HOMER1: variants seen among roughly 807,000 people sequenced by gnomAD.
HOMER1 encodes the protein homer protein homolog 1.
In HOMER1, 3 loss-of-function variants were observed where a neutral mutation model predicts 48.9. The ratio of observed to expected loss-of-function variants is 0.06; its 90% confidence interval spans 0.03 to 0.16. HOMER1 has a LOEUF of 0.16. Ranked by LOEUF, HOMER1 falls within the 10% of genes least tolerant of loss-of-function variation. HOMER1 has a pLI of 1.00. For missense variants in HOMER1, 247 were observed against 411.4 expected, an observed-to-expected ratio of 0.60 and a Z score of 3.46; for synonymous variants, 134 against 146.4, an observed-to-expected ratio of 0.92 and a Z score of 0.61.
intron 5 of HOMER1, among the ~76,000 whole-genome samples, chr5:79,428,847 T>C (rs532288190): frequency 6.6e-6 from 1 of 152,258 alleles, no homozygotes; most frequent in Non-Finnish European, 1.5e-5. Context: ...GAGGAACATT[T>C]TGGCCGTGAG....
intron 5 of HOMER1, among the ~76,000 whole-genome samples, chr5:79,431,265 G>C (rs1391732780): frequency 6.6e-6 from 1 of 152,196 alleles, no homozygotes; most frequent in Non-Finnish European, 1.5e-5. Flanking sequence ...GGAGGTTGCA[G>C]TGAGCCAAGA....
chr5:79,428,502 C>CT (rs1199555533), intron 5 of HOMER1, among the ~76,000 whole-genome samples: 1 of 151,930 alleles, frequency 6.6e-6, no homozygotes, highest in East Asian at 1.9e-4. Context: ...AGTAAACTAT[C>CT]TTTATTTACA....
chr5:79,410,489 CAAA>C (rs59290866), intron 5 of HOMER1, among the ~76,000 whole-genome samples: 9 of 105,142 alleles, frequency 8.6e-5, no homozygotes, highest in Admixed American at 1.9e-4. Context: ...AACTCTATCT[CAAA>C]AAAAAAAAAA....
intron 6 of HOMER1, among the ~76,000 whole-genome samples, chr5:79,400,933 G>GT: frequency 8.7e-6 from 1 of 115,552 alleles, no homozygotes; most frequent in Non-Finnish European, 1.7e-5. Flanking sequence ...AAAGAAAAAA[G>GT]ATTTTTTTTT....
At chr5:79,432,485 A>C (rs1221028794) in intron 5 of HOMER1, among the ~76,000 whole-genome samples, 2 of 152,244 alleles carry the variant, frequency 1.3e-5, no homozygotes, top group Admixed American at 1.3e-4. Flanking sequence ...GAGAAGAGGA[A>C]GGGTCTAATC....
intron 2 of HOMER1, 86 bp downstream of exon 2, chr5:79,456,776 T>C: frequency 8.8e-7 from 1 of 1,136,380 alleles, no homozygotes; most frequent in Non-Finnish European, 1.3e-6. Flanking sequence ...TTTATATTAA[T>C]GAAGATAAAA....
intron 1 of HOMER1, among the ~76,000 whole-genome samples, chr5:79,501,852 AAT>A (rs1332250999): frequency 6.6e-6 from 1 of 152,146 alleles, no homozygotes; most frequent in Non-Finnish European, 1.5e-5. Context: ...CTAATACTCT[AAT>A]AACTGACAAG....
intron 5 of HOMER1, among the ~76,000 whole-genome samples, chr5:79,426,482 C>A (rs1750258837): frequency 6.6e-6 from 1 of 151,856 alleles, no homozygotes; most frequent in Non-Finnish European, 1.5e-5. Flanking sequence ...TGAATGAGAT[C>A]CTGTCATTTG....
At chr5:79,395,449 A>T (rs1749355935) in intron 8 of HOMER1, among the ~76,000 whole-genome samples, 1 of 152,194 alleles carries the variant, frequency 6.6e-6, no homozygotes, top group Admixed American at 6.5e-5. Context: ...GTTTGCACAC[A>T]TTGCTAAATG....
chr5:79,512,315 G>T (rs1258048587), intron 1 of HOMER1, among the ~76,000 whole-genome samples: 2 of 152,180 alleles, frequency 1.3e-5, no homozygotes, highest in African/African-American at 4.8e-5. Flanking sequence ...CACGGTGAGG[G>T]CAACAATTTA....
intron 5 of HOMER1, among the ~76,000 whole-genome samples, chr5:79,437,721 TA>T (rs1750631096): frequency 6.6e-6 from 1 of 152,208 alleles, no homozygotes; most frequent in South Asian, 2.1e-4. Context: ...GGCACAATCG[TA>T]GCTCACTGCA....
At chr5:79,377,623 A>G (rs560454145) in intron 8 of HOMER1, among the ~76,000 whole-genome samples, 167 of 152,304 alleles carry the variant, frequency 1.1e-3, no homozygotes, top group Non-Finnish European at 2.0e-3. Flanking sequence ...ACATCCTTTA[A>G]ATGTTAATCT....
At chr5:79,467,618 T>C (rs1751507633) in intron 1 of HOMER1, among the ~76,000 whole-genome samples, 2 of 152,154 alleles carry the variant, frequency 1.3e-5, no homozygotes, top group South Asian at 4.1e-4. Flanking sequence ...ATGTTAACAT[T>C]TGTGAAATTT....
intron 1 of HOMER1, among the ~76,000 whole-genome samples, chr5:79,459,109 T>G (rs1288166457): frequency 6.6e-6 from 1 of 152,016 alleles, no homozygotes; most frequent in Non-Finnish European, 1.5e-5. Context: ...CTTGATTTTT[T>G]TGTTGTTTTC....
chr5:79,500,107 T>C (rs899616202), intron 1 of HOMER1, among the ~76,000 whole-genome samples: 8 of 152,234 alleles, frequency 5.3e-5, no homozygotes, highest in Middle Eastern at 3.4e-3. Context: ...GTAAGGACCA[T>C]TGCAAAAAAG....
chr5:79,490,769 C>CAAA (rs1164511654), intron 1 of HOMER1, among the ~76,000 whole-genome samples: 5 of 84,086 alleles, frequency 5.9e-5, no homozygotes, highest in African/African-American at 2.1e-4. Flanking sequence ...CCATCTCTAC[C>CAAA]AAAAAAAAAA....
chr5:79,382,770 TC>T lies in HOMER1; in HGVS notation c.877-6574del, dbSNP rs150548259. Among the ~76,000 whole-genome samples, 838 of 152,212 alleles carry T rather than the reference TC, an allele frequency of 5.5e-3. 3 individuals carry two copies. Among genetic ancestry groups the T allele is most frequent in the African/African-American group, 0.019 (785 of 41,514 alleles). On this transcript the variant is annotated intron_variant, in intron 8 of 8. Transcript: ENST00000334082. ...AAAAAGAGAAAGAATTCAAATGGTA[TC>T]ACTACACCAAACTACCAAATCACAA...
chr5:79,438,922 C>A, intron 5 of HOMER1, 88 bp downstream of exon 5: 5 of 1,050,194 alleles, frequency 4.8e-6, no homozygotes, highest in South Asian at 1.6e-5. Context: ...AGTTTTCACT[C>A]AAAGCTTGTA....
At position 79,469,602 on chromosome 5, in the gene HOMER1, T is replaced by C. The variant is rs182301870; in HGVS notation, c.6-12584A>G. ...TTCCCAAGATTATCCAGGTTTCATA[T>C]TATTTTATTTTTATCTGTTGAAAAG... On this transcript the variant is annotated intron_variant, in intron 1 of 8. Transcript: ENST00000334082. Among the ~76,000 whole-genome samples the C allele has an allele frequency of 4.0e-3, 606 of 152,300 alleles. 5 individuals are homozygous for C. Among genetic ancestry groups the C allele is most frequent in the African/African-American group, 0.014 (585 of 41,552 alleles).
Sources: gnomAD v4.1 joint callset for allele counts (sites outside exome capture counted in the v4.1 genomes callset) on GRCh38, gnomAD v4.1.1 for gene constraint, MANE v1.5 for transcripts, NCBI Gene and HGNC (gene_info 2026-07-23, HGNC 2026-07-21) for gene names.